ACTG2: variants seen among roughly 807,000 people sequenced by gnomAD.
ACTG2 encodes actin gamma 2, smooth muscle.
In ACTG2, 16 loss-of-function variants were observed where a neutral mutation model predicts 37.6. The ratio of observed to expected loss-of-function variants is 0.43; its 90% confidence interval spans 0.29 to 0.65. The LOEUF (loss-of-function observed/expected upper bound fraction) is 0.65, where lower values mean the gene tolerates loss of function less well. Among genes scored for constraint, ACTG2 ranks in the 30% least tolerant of loss-of-function variants. The pLI is 0.18. For missense variants in ACTG2, 238 were observed against 490.9 expected (o/e 0.48, Z 4.87); for synonymous variants, 181 against 179.9 (o/e 1.01, Z -0.05).
chr2:73,914,034 G>A (rs1349112108), intron 6 of ACTG2, among the ~76,000 whole-genome samples: 1 of 152,130 alleles, frequency 6.6e-6, no homozygotes, highest in Non-Finnish European at 1.5e-5. Context: ...TTTTTTAGGT[G>A]GGAGCCTCTC....
intron 2 of ACTG2, 40 bp from the exon 3 acceptor site, chr2:73,902,320 C>G (rs372617230): frequency 3.7e-5 from 59 of 1,607,866 alleles, no homozygotes; most frequent in Non-Finnish European, 4.9e-5. Context: ...GTGTGGAGCC[C>G]TCAGCCATTC....
At chr2:73,916,210 T>G (rs1315946191) in intron 7 of ACTG2, among the ~76,000 whole-genome samples, 1 of 151,972 alleles carries the variant, frequency 6.6e-6, no homozygotes, top group African/African-American at 2.4e-5. Context: ...ACCCCATCTC[T>G]ACTAAAAATA....
chr2:73,916,049 A>G (rs1377100347), intron 7 of ACTG2, among the ~76,000 whole-genome samples: 1 of 152,240 alleles, frequency 6.6e-6, no homozygotes, highest in African/African-American at 2.4e-5. Flanking sequence ...TGATATAACA[A>G]AAGTGTTCCT....
At chr2:73,905,775 C>G (rs996310743) in intron 3 of ACTG2, among the ~76,000 whole-genome samples, 4 of 152,002 alleles carry the variant, frequency 2.6e-5, no homozygotes, top group African/African-American at 9.7e-5. Context: ...GAATCTTCTT[C>G]TTTGGAAAAC....
chr2:73,904,203 C>T (rs1222821600), intron 3 of ACTG2, among the ~76,000 whole-genome samples: 1 of 120,890 alleles, frequency 8.3e-6, no homozygotes, highest in East Asian at 2.7e-4. Flanking sequence ...GAGCTGTGTT[C>T]ACGCCACTGC....
intron 1 of ACTG2, among the ~76,000 whole-genome samples, chr2:73,898,797 T>TC (rs1450325273): frequency 3.0e-5 from 3 of 101,516 alleles, no homozygotes; most frequent in Non-Finnish European, 4.6e-5. Flanking sequence ...TTTTCTTTTT[T>TC]TTTTCTTTTT....
rs562681514 is a variant in ACTG2, at chr2:73,899,475, A to G, written c.-36-1801A>G. ...AGACCCCATCTCAAAAAATATATAT[A>G]TATATATCTTCTGATTCAGCTCATT... On this transcript the variant is annotated intron_variant, in intron 1 of 8. Coordinates refer to ENST00000345517, the MANE Select transcript of ACTG2 (RefSeq NM_001615.4). Among the ~76,000 whole-genome samples, 34 of 152,068 alleles carry G rather than the reference A, an allele frequency of 2.2e-4. No homozygotes were observed. The South Asian group carries it at 5.8e-3, about 26-fold the overall frequency.
chr2:73,913,303 G>A (rs1219835524), intron 5 of ACTG2, among the ~76,000 whole-genome samples, 182 bp from the exon 6 acceptor site: 1 of 152,020 alleles, frequency 6.6e-6, no homozygotes, highest in Admixed American at 6.6e-5. Flanking sequence ...CAGTCTCACT[G>A]GGGGGAAAAA....
rs190036335 is a variant in ACTG2 at position 73,899,012 on chromosome 2, A to G, written c.-36-2264A>G. On this transcript the variant is annotated intron_variant, in intron 1 of 8. Coordinates refer to ENST00000345517, the MANE Select transcript of ACTG2 (RefSeq NM_001615.4). ...TTTTTAGTAGAGACGGGGTTTCACC[A>G]TGTTAGCCAGGATGGTCTTGATCTC... Among the ~76,000 whole-genome samples the G allele has an allele frequency of 5.0e-3, 753 of 151,632 alleles. 5 individuals carry two copies. Among genetic ancestry groups the G allele is most frequent in the East Asian group, 0.043 (222 of 5,144 alleles).
At chr2:73,908,566 C>A in intron 3 of ACTG2, 107 bp from the exon 4 acceptor site, 1 of 950,886 alleles carries the variant, frequency 1.1e-6, no homozygotes, top group South Asian at 1.6e-5. Flanking sequence ...CCAGATCCAT[C>A]CCATCCTGTG....
chr2:73,907,812 C>G (rs1680045478), intron 3 of ACTG2, among the ~76,000 whole-genome samples: 1 of 152,096 alleles, frequency 6.6e-6, no homozygotes, highest in Admixed American at 6.5e-5. Context: ...GGGTGGAGAC[C>G]AGGGATACTG....
chr2:73,901,237 CA>C, intron 1 of ACTG2, 38 bp from the exon 2 acceptor site: 1 of 1,437,276 alleles, frequency 7.0e-7, no homozygotes. Context: ...ACTGATTTGA[CA>C]AGTGGCTGAC....
intron 1 of ACTG2, among the ~76,000 whole-genome samples, chr2:73,898,196 A>G (rs1679790877): frequency 6.7e-6 from 1 of 149,170 alleles, no homozygotes; most frequent in East Asian, 2.0e-4. Flanking sequence ...CAGTTCCCCA[A>G]AGTAGTGACG....
chr2:73,900,436 G>A (rs1223061151), intron 1 of ACTG2, among the ~76,000 whole-genome samples: 2 of 152,238 alleles, frequency 1.3e-5, no homozygotes, highest in Non-Finnish European at 2.9e-5. Flanking sequence ...GAAAGAATGC[G>A]TGCAGCAGAT....
chr2:73,901,490 G>T (rs781520451), intron 2 of ACTG2, 53 bp downstream of exon 2: 9 of 1,591,122 alleles, frequency 5.7e-6, no homozygotes, highest in Non-Finnish European at 7.7e-6. Context: ...AGTAAGCGCT[G>T]CACTGTGGAG....
At chr2:73,901,659 T>G (rs1573462046) in intron 2 of ACTG2, 1 of 784,034 alleles carries the variant, frequency 1.3e-6, no homozygotes, top group African/African-American at 1.9e-5. Context: ...CTTTTCTGAT[T>G]AACTGATAGA....
rs1679853195 is a variant in ACTG2, at chr2:73,900,596, C to T, written c.-36-680C>T. ...TTTTCCTCTCTCCTCCCAGAGTGCCCCTTCCTCATCAAGGTGCTTCTACCC... is the reference window on the plus strand; with the variant it reads ...TTTTCCTCTCTCCTCCCAGAGTGCCTCTTCCTCATCAAGGTGCTTCTACCC... On this transcript the variant is annotated intron_variant, in intron 1 of 8. Coordinates refer to ENST00000345517, the MANE Select transcript of ACTG2 (RefSeq NM_001615.4). Among the ~76,000 whole-genome samples, 9 of 152,156 alleles carry T rather than the reference C, an allele frequency of 5.9e-5. 1 individual carries two copies. In the South Asian group the frequency reaches 1.9e-3, roughly 32 times the overall value.
At chr2:73,912,827 G>A (rs1423058859) in intron 5 of ACTG2, among the ~76,000 whole-genome samples, 4 of 152,156 alleles carry the variant, frequency 2.6e-5, no homozygotes, top group African/African-American at 9.7e-5. Flanking sequence ...AAAAAATGGT[G>A]GTGATATTGT....
chr2:73,894,791 C>G (rs975100340), intron 1 of ACTG2, among the ~76,000 whole-genome samples: 4 of 152,074 alleles, frequency 2.6e-5, no homozygotes, highest in African/African-American at 9.7e-5. Context: ...CTCAATTCCA[C>G]TGAATTTAGA....
Sources: allele counts gnomAD v4.1 joint callset (sites outside exome capture counted in the v4.1 genomes callset), GRCh38; gene constraint gnomAD v4.1.1; transcripts MANE v1.5; gene names NCBI Gene and HGNC (gene_info 2026-07-23, HGNC 2026-07-21).